CCDC187: variants seen among roughly 807,000 people sequenced by gnomAD.
CCDC187 encodes the protein coiled-coil domain-containing protein 187.
In CCDC187, 32 loss-of-function variants were observed where a neutral mutation model predicts 38.0. The ratio of observed to expected loss-of-function variants is 0.84; its 90% CI spans 0.64 to 1.13. CCDC187 has a LOEUF of 1.13. Ranked by LOEUF, CCDC187 falls within the 50% of genes most tolerant of loss-of-function variation. The pLI, the probability that CCDC187 is intolerant of heterozygous loss-of-function variation, is 0.00. For missense variants in CCDC187, 707 were observed against 786.8 expected (o/e 0.90, Z 1.21); for synonymous variants, 333 against 347.9 (o/e 0.96, Z 0.48).
At chr9:136,269,842 C>T (rs930136433) in intron 14 of CCDC187, among the ~76,000 whole-genome samples, 2 of 152,042 alleles carry the variant, frequency 1.3e-5, no homozygotes, top group Middle Eastern at 3.2e-3. Context: ...TTAGAAGTTT[C>T]GTAACTCTAT....
At chr9:136,271,899 G>A (rs538613747) in intron 14 of CCDC187, among the ~76,000 whole-genome samples, 6 of 152,158 alleles carry the variant, frequency 3.9e-5, no homozygotes, top group African/African-American at 1.2e-4. Context: ...GAGCCACCAC[G>A]CCTGGCTGAG....
chr9:136,253,882 G>A lies in CCDC187; in HGVS notation c.5946C>T (p.Asp1982=), dbSNP rs981316793. Residue 1982 remains aspartate, a synonymous_variant, in exon 26 of 26, where the codon GAC becomes GAT. Transcript: ENST00000638797. ...CGGGAGACAGGATCTCAGTCAAGAC[G>A]TCACCGGCAAGTAGGGGACAGGCTT... ...LEEACPLLAG[D]VLTEILSPVD... The A allele has an allele frequency of 1.7e-5, 17 of 983,854 alleles. No homozygotes were observed. Among genetic ancestry groups the A allele is most frequent in the African/African-American group, 1.1e-4 (6 of 57,124 alleles). The allele number at this position is 983,854 out of a possible 1,614,324, so 60.9% of individuals were successfully genotyped here. A position where few individuals can be genotyped will look rare whatever the true frequency, so the allele number is the denominator to read the frequency against.
In CCDC187 at chr9:136,291,360, T is replaced by C. The variant is rs1248504270; in HGVS notation, c.1253A>G (p.Asn418Ser). 2.5e-6 allele frequency: 1 copy of C among 399,016 alleles called. No individual in the cohort carries two copies. The highest frequency in any genetic ancestry group is 4.4e-6 in the Non-Finnish European group (1 of 226,376). The allele number at this position is 399,016 out of a possible 1,614,324, so 24.7% of individuals were successfully genotyped here. ...ACTCTTAGAGAAGGAGCTCTGGGCATTGGGGTCCCTGCAGCAGCCCCTCCC... is the reference window on the plus strand; with the variant it reads ...ACTCTTAGAGAAGGAGCTCTGGGCACTGGGGTCCCTGCAGCAGCCCCTCCC... ...VAGRGCCRDP[N>S]AQSSFSKSPW... Residue 418 changes from asparagine (N) to serine (S), a missense_variant, in exon 6 of 26, where the codon AAT becomes AGT. Asn to Ser is a conservative substitution (Grantham distance 46, BLOSUM62 1). Transcript: ENST00000638797.
rs887840718 is a variant in CCDC187, at chr9:136,286,466, G to A, written c.2452C>T (p.Arg818Trp). 8 of 398,618 alleles carry A rather than the reference G, an allele frequency of 2.0e-5. No individual in the cohort carries two copies. The highest frequency in any genetic ancestry group is 3.6e-5 in the East Asian group (1 of 28,098). The allele number at this position is 398,618 out of a possible 1,614,324, so 24.7% of individuals were successfully genotyped here. ...HLGTSSSLHL[R>W]HKQAQLQALE... The stretch of plus-strand genomic sequence containing the variant: ...GCCTGCAGCTGCGCCTGCTTATGCC[G>A]GAGGTGCAGGGAGCTGGAAGTGCCC... The change falls in exon 8 of 26, where the codon CGG becomes TGG. Residue 818 changes from arginine (R) to tryptophan (W), a missense_variant. By Grantham distance (101) the Arg-to-Trp change is moderately radical. Transcript: ENST00000638797.
intron 19 of CCDC187, among the ~76,000 whole-genome samples, chr9:136,260,610 A>C (rs1830668122): frequency 6.6e-6 from 1 of 151,386 alleles, no homozygotes; most frequent in Non-Finnish European, 1.5e-5. Flanking sequence ...TGCCTGGGTC[A>C]CACTGCTGGG....
rs1554759172 is a variant in CCDC187 at position 136,250,672 on chromosome 9, G to A, written c.*2922C>T. 1 of 450,220 alleles carries A rather than the reference G, an allele frequency of 2.2e-6. No individual in the cohort carries two copies. Among genetic ancestry groups the A allele is most frequent in the African/African-American group, 2.0e-5 (1 of 49,942 alleles). The allele number at this position is 450,220 out of a possible 1,614,324, so 27.9% of individuals were successfully genotyped here. The stretch of plus-strand genomic sequence containing the variant: ...TGGAGCAGGAACACATTCCCCACTG[G>A]ATCCAAACATCTGCATTCTCAGGTG... On this transcript the variant is annotated 3_prime_UTR_variant, in exon 26 of 26. Transcript: ENST00000638797.
chr9:136,290,762 C>T lies in CCDC187; in HGVS notation c.1851G>A (p.Lys617=), dbSNP rs1400994200. Residue 617 remains lysine (K), a synonymous_variant, in exon 6 of 26, where the codon AAG becomes AAA. Coordinates refer to ENST00000638797, the MANE Select transcript of CCDC187 (RefSeq NM_001378188.1). ...SFPQNPLGKE[K]DTLRPCPRSR... is the part of the protein sequence containing the mutation. Reference sequence around the variant, plus strand: ...ACCTGGGGCAGGGCCGCAGCGTGTCCTTCTCCTTCCCAAGTGGGTTCTGAG... The same window carrying T: ...ACCTGGGGCAGGGCCGCAGCGTGTCTTTCTCCTTCCCAAGTGGGTTCTGAG... The T allele has an allele frequency of 1.5e-5, 6 of 398,420 alleles. No individual in the cohort carries two copies. Among genetic ancestry groups the T allele is most frequent in the Non-Finnish European group, 2.7e-5 (6 of 225,984 alleles). The allele number at this position is 398,420 out of a possible 1,614,324, so 24.7% of individuals were successfully genotyped here. A position where few individuals can be genotyped will look rare whatever the true frequency, so the allele number is the denominator to read the frequency against.
chr9:136,269,648 A>C (rs1830807502), intron 14 of CCDC187, among the ~76,000 whole-genome samples: 1 of 152,200 alleles, frequency 6.6e-6, no homozygotes. Context: ...CTGTCTCAAA[A>C]GGAAAAATTA....
intron 14 of CCDC187, among the ~76,000 whole-genome samples, chr9:136,273,935 T>G (rs72775731): frequency 0.11 from 16,390 of 152,270 alleles, 1,205 homozygotes; most frequent in Admixed American, 0.19. Flanking sequence ...GTCTTGCCGC[T>G]CCATCCCTAC....
intron 14 of CCDC187, among the ~76,000 whole-genome samples, chr9:136,269,087 C>T (rs1294879041): frequency 3.3e-5 from 5 of 152,180 alleles, no homozygotes; most frequent in East Asian, 1.9e-4. Context: ...TGGATGAATG[C>T]GTGTCAAGAA....
At chr9:136,290,341 G>A (rs1050005594) in intron 6 of CCDC187, 145 bp downstream of exon 6, 130 of 397,664 alleles carry the variant, frequency 3.3e-4, no homozygotes, top group Non-Finnish European at 3.6e-4. Context: ...CAGTGGCAGC[G>A]ACGCCACGAA....
intron 2 of CCDC187, among the ~76,000 whole-genome samples, chr9:136,301,464 G>C (rs1374380137): frequency 6.6e-6 from 1 of 152,288 alleles, no homozygotes; most frequent in East Asian, 1.9e-4. Context: ...GCTTCAGTTT[G>C]GGAAGATGAA....
In CCDC187 at chr9:136,263,747, T is replaced by C; in HGVS notation, c.3787A>G (p.Lys1263Glu). ...TCCCTCTGATGCTGCAGAAGCAGCT[T>C]CCTGTCCCGGTGCCTGAACAGCTGC... ...HTQLFRHRDR[K>E]LLLQHQRDVV... Residue 1263 changes from lysine to glutamate, a missense_variant, in exon 18 of 26, where the codon AAG becomes GAG. Transcript: ENST00000638797. The C allele has an allele frequency of 1.0e-6, 1 of 985,472 alleles. No individual in the cohort carries two copies. The highest frequency in any genetic ancestry group is 1.2e-6 in the Non-Finnish European group (1 of 829,940). The allele number at this position is 985,472 out of a possible 1,614,324, so 61.0% of individuals were successfully genotyped here.
intron 10 of CCDC187, among the ~76,000 whole-genome samples, chr9:136,277,688 G>T (rs1830959794): frequency 6.6e-6 from 1 of 152,186 alleles, no homozygotes; most frequent in African/African-American, 2.4e-5. Flanking sequence ...GTGGCCCCAA[G>T]TCCCAGCTCT....
intron 14 of CCDC187, among the ~76,000 whole-genome samples, chr9:136,271,754 C>T (rs1323939418): frequency 6.6e-5 from 10 of 151,602 alleles, no homozygotes; most frequent in Admixed American, 4.6e-4. Flanking sequence ...ACTACAGGCA[C>T]CCGCCACCGC....
In CCDC187 at chr9:136,259,398, G is replaced by T; in HGVS notation, c.4261C>A (p.Pro1421Thr). The T allele has an allele frequency of 1.0e-6, 1 of 985,404 alleles. No homozygotes were observed. The highest frequency in any genetic ancestry group is 1.2e-6 in the Non-Finnish European group (1 of 830,078). The allele number at this position is 985,404 out of a possible 1,614,324, so 61.0% of individuals were successfully genotyped here. ...GGGCCCAGCCGCTGTCCGTCCGGGG[G>T]GCTCACGTGCTGCAGGCCCAGCAGA... The part of the protein sequence containing the change: ...APLLGLQHVS[P>T]PDGQRLGPAF... Residue 1421 changes from proline (P) to threonine (T), a missense_variant, in exon 21 of 26, where the codon CCC (proline) becomes ACC (threonine). Transcript: ENST00000638797.
chr9:136,301,586 C>CTTTTT lies in CCDC187; in HGVS notation c.625+1221_625+1225dup, dbSNP rs1207423796. On this transcript the variant is annotated intron_variant, in intron 2 of 25. Transcript: ENST00000638797. ...TACATTTTATGTTATGCATACGTTA[C>CTTTTT]TTTTTTTTTTTTTTTTTTGAGACGA... Among the ~76,000 whole-genome samples, 3 of 126,566 alleles carry CTTTTT rather than the reference C, an allele frequency of 2.4e-5. 1 individual carries two copies. The highest frequency in any genetic ancestry group is 8.4e-5 in the Admixed American group (1 of 11,928). The allele number at this position is 126,566 out of a possible 152,430, so 83.0% of individuals were successfully genotyped here.
Position 136,293,221 on chromosome 9 carries a change from ACTCACACTCACACG to A in CCDC187, c.833-940_833-927del, listed in dbSNP as rs1373121991. Among the ~76,000 whole-genome samples, 47 of 100,296 alleles carry A rather than the reference ACTCACACTCACACG, an allele frequency of 4.7e-4. No homozygotes were observed. The East Asian group carries it at 0.014, about 30-fold the overall frequency. The allele number at this position is 100,296 out of a possible 152,430, so 65.8% of individuals were successfully genotyped here. A position where few individuals can be genotyped will look rare whatever the true frequency, so the allele number is the denominator to read the frequency against. On this transcript the variant is annotated intron_variant, in intron 4 of 25. Transcript: ENST00000638797. The stretch of plus-strand genomic sequence containing the variant: ...CACACTCACAAACACATGCTCACAC[ACTCACACTCACACG>A]CTCACACTCACATGCTTACACACTC...
At chr9:136,266,421 C>G (rs902435825) in intron 16 of CCDC187, 1 of 152,252 alleles carries the variant, frequency 6.6e-6, no homozygotes, top group South Asian at 2.1e-4. Flanking sequence ...CAGTCTGGCC[C>G]GCTCAGACAC....
Sources: allele counts gnomAD v4.1 joint callset (sites outside exome capture counted in the v4.1 genomes callset), GRCh38; gene constraint gnomAD v4.1.1; transcripts MANE v1.5; gene names NCBI Gene and HGNC (gene_info 2026-07-23, HGNC 2026-07-21).